Variants in PPP2R2B observed in about 807,000 individuals in gnomAD.
PPP2R2B encodes protein phosphatase 2 regulatory subunit Bbeta.
PPP2R2B carries 5 observed loss-of-function variants against 46.0 expected under a neutral mutation model. That is an observed-to-expected ratio of 0.11 (90% CI 0.06 to 0.23). The LOEUF is 0.23. Among genes scored for constraint, PPP2R2B ranks in the 10% least tolerant of loss-of-function variants. The pLI is 1.00. For missense variants in PPP2R2B, 367 were observed against 575.0 expected (o/e 0.64, Z 3.70); for synonymous variants, 215 against 206.7 (o/e 1.04, Z -0.34).
chr5:146,642,509 A>AT (rs1298076135), intron 6 of PPP2R2B, among the ~76,000 whole-genome samples: 1 of 152,222 alleles, frequency 6.6e-6, no homozygotes, highest in Non-Finnish European at 1.5e-5. Flanking sequence ...GATTAGATGA[A>AT]TTTTTATATA....
In PPP2R2B at chr5:146,598,164, G is replaced by A. The variant is rs568242855; in HGVS notation, c.960+2127C>T. ...CTCCAATTGGACATTTATTCACACT[G>A]CTCTACTGCTGTTCCTCTGTCATTC... On this transcript the variant is annotated intron_variant, in intron 8 of 9. Transcript: ENST00000394411. Among the ~76,000 whole-genome samples the A allele has an allele frequency of 2.6e-4, 39 of 152,300 alleles. 1 individual carries two copies. Among genetic ancestry groups the A allele is most frequent in the Admixed American group, 2.6e-3 (39 of 15,290 alleles).
rs550751504 is a variant in PPP2R2B, at chr5:146,906,445, C to T, written c.79+149220G>A. Among the ~76,000 whole-genome samples, 11 of 152,194 alleles carry T rather than the reference C, an allele frequency of 7.2e-5. No homozygotes were observed. In the East Asian group the frequency reaches 2.1e-3, roughly 29 times the overall value. ...TCAAGTGATTCTCCTGCCTCAGCCTCCCTAGTAGCTGGGATTACAGGCATG... is the reference window on the plus strand; with the variant it reads ...TCAAGTGATTCTCCTGCCTCAGCCTTCCTAGTAGCTGGGATTACAGGCATG... On this transcript the variant is annotated intron_variant, in intron 1 of 8. Coordinates refer to the PPP2R2B transcript ENST00000336640.
intron 7 of PPP2R2B, among the ~76,000 whole-genome samples, chr5:146,603,063 A>G (rs951453373): frequency 6.6e-6 from 1 of 152,216 alleles, no homozygotes; most frequent in African/African-American, 2.4e-5. Context: ...GTTACTAGCC[A>G]TGATCATTTT....
intron 2 of PPP2R2B, among the ~76,000 whole-genome samples, chr5:146,829,238 A>G (rs895949607): frequency 6.6e-6 from 1 of 152,230 alleles, no homozygotes; most frequent in African/African-American, 2.4e-5. Context: ...TTAAAAAATT[A>G]TAATATCCTG....
intron 7 of PPP2R2B, among the ~76,000 whole-genome samples, chr5:146,631,693 T>A (rs1409575822): frequency 1.3e-5 from 2 of 152,190 alleles, no homozygotes; most frequent in African/African-American, 4.8e-5. Context: ...AAAGAAAGTG[T>A]TCTAGCTCCA....
chr5:146,695,038 T>C (rs1269207025), intron 4 of PPP2R2B, among the ~76,000 whole-genome samples: 2 of 152,046 alleles, frequency 1.3e-5, no homozygotes, highest in Non-Finnish European at 2.9e-5. Context: ...ACTAGTAAAC[T>C]AAAGAAGAAT....
At chr5:146,648,985 G>GT (rs995755486) in intron 6 of PPP2R2B, among the ~76,000 whole-genome samples, 4 of 152,264 alleles carry the variant, frequency 2.6e-5, no homozygotes, top group Middle Eastern at 3.4e-3. Context: ...CTACTGGAAT[G>GT]TTTTTTATCA....
At chr5:146,964,746 C>T (rs1752328293) in intron 1 of PPP2R2B, among the ~76,000 whole-genome samples, 1 of 151,984 alleles carries the variant, frequency 6.6e-6, no homozygotes, top group Non-Finnish European at 1.5e-5. Flanking sequence ...AGGATGGTCT[C>T]GATTTCCTGA....
At chr5:146,598,029 C>T (rs1191473744) in intron 8 of PPP2R2B, among the ~76,000 whole-genome samples, 3 of 152,178 alleles carry the variant, frequency 2.0e-5, no homozygotes, top group Non-Finnish European at 4.4e-5. Context: ...CTTCCTTCAG[C>T]CAGAATCCCA....
At chr5:146,702,528 G>A (rs946441024) in intron 2 of PPP2R2B, among the ~76,000 whole-genome samples, 1 of 152,172 alleles carries the variant, frequency 6.6e-6, no homozygotes, top group African/African-American at 2.4e-5. Flanking sequence ...CCTTTAAAGG[G>A]GCAAGAGGCT....
chr5:146,883,327 C>G (rs1482277847), upstream of PPP2R2B, among the ~76,000 whole-genome samples: 1 of 152,184 alleles, frequency 6.6e-6, no homozygotes, highest in Non-Finnish European at 1.5e-5. Flanking sequence ...TAAAATGACC[C>G]TTCTTCCTCC....
At chr5:146,718,590 T>C (rs1780624098) in intron 2 of PPP2R2B, among the ~76,000 whole-genome samples, 3 of 152,200 alleles carry the variant, frequency 2.0e-5, no homozygotes, top group African/African-American at 7.2e-5. Flanking sequence ...AGGTCTATGC[T>C]GAGCTAATCA....
chr5:146,712,037 AAATG>A (rs745311614), intron 2 of PPP2R2B, among the ~76,000 whole-genome samples: 6 of 152,226 alleles, frequency 3.9e-5, no homozygotes, highest in Non-Finnish European at 8.8e-5. Context: ...GGGCCTAAAG[AAATG>A]AATGAAGAAT....
At chr5:146,666,029 A>G (rs1776961898) in intron 5 of PPP2R2B, among the ~76,000 whole-genome samples, 1 of 152,240 alleles carries the variant, frequency 6.6e-6, no homozygotes, top group Admixed American at 6.5e-5. Context: ...GTATGGCTGT[A>G]TGTCTGAGAA....
intron 2 of PPP2R2B, among the ~76,000 whole-genome samples, chr5:146,873,491 T>G (rs1236218878): frequency 6.6e-6 from 1 of 152,222 alleles, no homozygotes; most frequent in Non-Finnish European, 1.5e-5. Context: ...CTTGATATGA[T>G]CTGGTCCCTG....
chr5:146,980,915 T>C (rs1477726865), intron 1 of PPP2R2B, among the ~76,000 whole-genome samples: 1 of 151,876 alleles, frequency 6.6e-6, no homozygotes, highest in African/African-American at 2.4e-5. Flanking sequence ...TTTCTGAAAA[T>C]GGAGGAGGAC....
chr5:146,743,475 G>A (rs1399394604), intron 2 of PPP2R2B, among the ~76,000 whole-genome samples: 1 of 152,192 alleles, frequency 6.6e-6, no homozygotes, highest in Admixed American at 6.5e-5. Flanking sequence ...TGAGGTGGCT[G>A]CTACTCACCT....
Position 146,878,144 on chromosome 5 carries a change from C to T in PPP2R2B, c.-73G>A. 6.2e-7 allele frequency: 1 copy of T among 1,610,282 alleles called. No individual in the cohort carries two copies. Among genetic ancestry groups the T allele is most frequent in the South Asian group, 1.1e-5 (1 of 90,664 alleles). On this transcript the variant is annotated 5_prime_UTR_variant, in exon 2 of 10. Transcript: ENST00000394411. The surrounding 1 kb of genome is among the most constrained non-coding windows in gnomAD (Gnocchi z 4.5). ...TCCATGATCCCTCCCCGCAGCCAGT[C>T]TCACAGGAGAGGGGGGCAGGGGAGC...
intron 2 of PPP2R2B, among the ~76,000 whole-genome samples, chr5:146,823,523 A>G (rs889329678): frequency 1.3e-5 from 2 of 152,070 alleles, no homozygotes; most frequent in African/African-American, 2.4e-5. Context: ...GGCACACCAC[A>G]TAACGAGCAG....
Sources: allele counts gnomAD v4.1 joint callset (sites outside exome capture counted in the v4.1 genomes callset), GRCh38; gene constraint gnomAD v4.1.1; non-coding constraint Gnocchi (gnomAD v3.1); transcripts MANE v1.5; gene names NCBI Gene and HGNC (gene_info 2026-07-23, HGNC 2026-07-21).